KCNJ6: variants seen among roughly 807,000 people sequenced by gnomAD.
KCNJ6 encodes the protein G protein-activated inward rectifier potassium channel 2.
A neutral mutation model predicts 34.2 loss-of-function variants in KCNJ6; 9 were observed. The observed-to-expected ratio is 0.26, with a 90% confidence interval of 0.16 to 0.46. The LOEUF is 0.46. KCNJ6 is among the 20% of genes least tolerant of loss of function. The pLI, the probability that KCNJ6 is intolerant of heterozygous loss-of-function variation, is 1.00. For synonymous variants in KCNJ6, 196 were observed against 207.1 expected (o/e 0.95, Z 0.46); for missense variants, 236 against 531.3 (o/e 0.44, Z 5.46).
intron 3 of KCNJ6, among the ~76,000 whole-genome samples, chr21:37,658,161 T>G (rs2054472679): frequency 6.6e-6 from 1 of 152,210 alleles, no homozygotes; most frequent in South Asian, 2.1e-4. Flanking sequence ...TTCACAGTGG[T>G]CACGACTCAG....
intron 3 of KCNJ6, among the ~76,000 whole-genome samples, chr21:37,672,817 G>T (rs1366918440): frequency 6.6e-6 from 1 of 151,836 alleles, no homozygotes; most frequent in African/African-American, 2.4e-5. Context: ...CTGGCTATGT[G>T]GCTAAGGTGG....
At chr21:37,754,982 T>C (rs1568835625) in intron 2 of KCNJ6, among the ~76,000 whole-genome samples, 3 of 152,142 alleles carry the variant, frequency 2.0e-5, no homozygotes, top group Admixed American at 6.5e-5. Context: ...AGCTTCTCAA[T>C]AGGTAGCAAA....
chr21:37,847,471 T>C (rs1003827431), intron 1 of KCNJ6, among the ~76,000 whole-genome samples: 2 of 152,196 alleles, frequency 1.3e-5, no homozygotes, highest in East Asian at 3.9e-4. Flanking sequence ...AGGCCGTTCA[T>C]GCTGAAGGCA....
chr21:37,734,696 G>C (rs1342249914), intron 2 of KCNJ6, among the ~76,000 whole-genome samples: 1 of 152,136 alleles, frequency 6.6e-6, no homozygotes, highest in African/African-American at 2.4e-5. Flanking sequence ...TATTTTGCTG[G>C]AAGGTGGTGG....
chr21:37,734,278 C>T (rs529861357), intron 2 of KCNJ6, among the ~76,000 whole-genome samples: 3 of 152,138 alleles, frequency 2.0e-5, no homozygotes, highest in East Asian at 3.9e-4. Flanking sequence ...GATGCTCCCA[C>T]GGGGGAGGAA....
chr21:37,731,609 G>A (rs2054885840), intron 2 of KCNJ6, among the ~76,000 whole-genome samples: 2 of 152,204 alleles, frequency 1.3e-5, no homozygotes. Flanking sequence ...AGCTGCAATT[G>A]GGTTTGGTCT....
At chr21:37,701,395 T>G (rs201301378) in intron 3 of KCNJ6, among the ~76,000 whole-genome samples, 1,686 of 151,502 alleles carry the variant, frequency 0.011, 16 homozygotes, top group Middle Eastern at 0.02. Flanking sequence ...GGTTAACTTT[T>G]TGTGTGTGTG....
chr21:37,645,672 T>C (rs1325812300), intron 3 of KCNJ6, among the ~76,000 whole-genome samples: 2 of 152,212 alleles, frequency 1.3e-5, no homozygotes, highest in African/African-American at 2.4e-5. Flanking sequence ...CCTAGGCTGC[T>C]CTGGGGCTGC....
chr21:37,670,827 G>A (rs772226960), intron 3 of KCNJ6, among the ~76,000 whole-genome samples: 7 of 152,172 alleles, frequency 4.6e-5, no homozygotes, highest in Non-Finnish European at 1.0e-4. Context: ...AGCACAGGAT[G>A]TTATTCCATT....
At chr21:37,663,669 A>C (rs1709820) in intron 3 of KCNJ6, among the ~76,000 whole-genome samples, 87,824 of 152,000 alleles carry the variant, frequency 0.58, 25,647 homozygotes, top group East Asian at 0.85. Context: ...ATAATGATGA[A>C]AGATTCTACT....
In KCNJ6 at chr21:37,625,352, G is replaced by T; in HGVS notation, c.1079C>A (p.Thr360Asn). 1 of 1,614,242 alleles carries T rather than the reference G, an allele frequency of 6.2e-7. No individual in the cohort carries two copies. The highest frequency in any genetic ancestry group is 8.5e-7 in the Non-Finnish European group (1 of 1,180,048). Residue 360 changes from threonine to asparagine, a missense_variant, in exon 4 of 4, where the codon ACC (threonine) becomes AAC (asparagine). Coordinates refer to ENST00000609713, the MANE Select transcript of KCNJ6 (RefSeq NM_002240.5). The stretch of plus-strand genomic sequence containing the variant: ...TTTGGCACTAAGGGATGGGGTGCTG[G>T]TCTCATAGGTCTCATGGAAGCTGTT... ...DYNSFHETYE[T>N]STPSLSAKEL...
At chr21:37,707,731 G>GTGTGTGTGTATA (rs1556022152) in intron 3 of KCNJ6, among the ~76,000 whole-genome samples, 1 of 150,940 alleles carries the variant, frequency 6.6e-6, no homozygotes, top group Non-Finnish European at 1.5e-5. Context: ...GCATGTGTGT[G>GTGTGTGTGTATA]TGTGAATAAT....
At chr21:37,637,727 G>T (rs1246525974) in intron 3 of KCNJ6, among the ~76,000 whole-genome samples, 1 of 152,182 alleles carries the variant, frequency 6.6e-6, no homozygotes, top group East Asian at 1.9e-4. Flanking sequence ...ACTGTATCTG[G>T]AGAACTGGCC....
chr21:37,762,821 C>T lies in KCNJ6; in HGVS notation c.26-47690G>A, dbSNP rs75131230. 8.0e-3 allele frequency among the ~76,000 whole-genome samples: 1,213 copies of T among 152,304 alleles called. 6 individuals carry two copies. Among genetic ancestry groups the T allele is most frequent in the South Asian group, 0.014 (69 of 4,826 alleles). ...TCCAGTGCCTGAGCCCCACTCCAAGCCAATGAAATCCCAGCCTCTGGAAGT... is the reference window on the plus strand; with the variant it reads ...TCCAGTGCCTGAGCCCCACTCCAAGTCAATGAAATCCCAGCCTCTGGAAGT... On this transcript the variant is annotated intron_variant, in intron 2 of 3. Coordinates refer to ENST00000609713, the MANE Select transcript of KCNJ6 (RefSeq NM_002240.5).
At chr21:37,794,730 G>C (rs2055232879) in intron 2 of KCNJ6, among the ~76,000 whole-genome samples, 1 of 152,030 alleles carries the variant, frequency 6.6e-6, no homozygotes, top group Middle Eastern at 3.2e-3. Context: ...CCTGTCGGGA[G>C]TTGGGGGGCA....
chr21:37,829,205 G>T, intron 2 of KCNJ6, among the ~76,000 whole-genome samples: 1 of 150,906 alleles, frequency 6.6e-6, no homozygotes, highest in Non-Finnish European at 1.5e-5. Context: ...GGCTCTTGGA[G>T]CCAGGTGGCA....
At chr21:37,747,735 G>A (rs1190533015) in intron 2 of KCNJ6, among the ~76,000 whole-genome samples, 1 of 152,162 alleles carries the variant, frequency 6.6e-6, no homozygotes, top group Admixed American at 6.5e-5. Flanking sequence ...GATTGTGGGC[G>A]GCCTCTGGAA....
intron 1 of KCNJ6, among the ~76,000 whole-genome samples, chr21:37,844,145 G>A (rs764634843): frequency 1.8e-4 from 27 of 150,000 alleles, no homozygotes; most frequent in African/African-American, 3.7e-4. Flanking sequence ...TACAACCTCC[G>A]CCTCCCGGGT....
At chr21:37,674,333 T>C (rs1007003451) in intron 3 of KCNJ6, among the ~76,000 whole-genome samples, 56 of 152,160 alleles carry the variant, frequency 3.7e-4, no homozygotes, top group African/African-American at 1.4e-3. Context: ...TGAGGACAGT[T>C]GGTCATCTAC....
Sources: gnomAD v4.1 joint callset for allele counts (sites outside exome capture counted in the v4.1 genomes callset) on GRCh38, gnomAD v4.1.1 for gene constraint, MANE v1.5 for transcripts, NCBI Gene and HGNC (gene_info 2026-07-23, HGNC 2026-07-21) for gene names.